Variants in SLC24A2 observed in about 807,000 individuals in gnomAD.
SLC24A2 encodes sodium/potassium/calcium exchanger 2.
SLC24A2 carries 36 observed loss-of-function variants against 62.0 expected under a neutral mutation model. The ratio of observed to expected loss-of-function variants is 0.58; its 90% confidence interval spans 0.44 to 0.77. The LOEUF (loss-of-function observed/expected upper bound fraction) is 0.77. SLC24A2 is among the 30% of genes least tolerant of loss of function. The probability of loss-of-function intolerance (pLI) is 0.00; values close to 1 mark genes in which losing one functional copy is unlikely to be tolerated. For synonymous variants in SLC24A2, 358 were observed against 294.0 expected, an observed-to-expected ratio of 1.22 and a Z score of -2.23; for missense variants, 846 against 817.9, an observed-to-expected ratio of 1.03 and a Z score of -0.42.
chr9:19,861,195 G>A, the SLC24A2 span, among the ~76,000 whole-genome samples: 2 of 152,270 alleles, frequency 1.3e-5, no homozygotes, highest in South Asian at 2.1e-4. Context: ...GCTACAGGGG[G>A]TGCTTGTGTC....
chr9:19,524,248 G>C (rs1563930961), intron 9 of SLC24A2, among the ~76,000 whole-genome samples: 1 of 151,332 alleles, frequency 6.6e-6, no homozygotes, highest in African/African-American at 2.4e-5. Flanking sequence ...AGGAGGATCT[G>C]AAAGAATGCT....
chr9:20,257,566 A>G, the SLC24A2 span, among the ~76,000 whole-genome samples: 2 of 152,192 alleles, frequency 1.3e-5, no homozygotes, highest in Non-Finnish European at 2.9e-5. Context: ...GGAAAGAAGC[A>G]TGTTTATAAG....
chr9:19,886,175 C>T, the SLC24A2 span, among the ~76,000 whole-genome samples: 1 of 152,194 alleles, frequency 6.6e-6, no homozygotes, highest in East Asian at 1.9e-4. Flanking sequence ...AGTCGCCACA[C>T]TGCTTTTCAC....
At chr9:19,531,337 T>C (rs563070691) in intron 8 of SLC24A2, among the ~76,000 whole-genome samples, 80 of 152,302 alleles carry the variant, frequency 5.3e-4, no homozygotes, top group Non-Finnish European at 7.4e-4. Flanking sequence ...ACCAGTGTCA[T>C]TGGAAGGAAG....
intron 2 of SLC24A2, among the ~76,000 whole-genome samples, chr9:19,668,092 C>T (rs1286318022): frequency 6.6e-6 from 1 of 152,102 alleles, no homozygotes; most frequent in East Asian, 1.9e-4. Flanking sequence ...GTCATTGTTG[C>T]CTCCTCAGGC....
At chr9:19,892,571 C>T in the SLC24A2 span, among the ~76,000 whole-genome samples, 6 of 152,282 alleles carry the variant, frequency 3.9e-5, no homozygotes, top group Admixed American at 3.9e-4. Flanking sequence ...TCAAAACAGA[C>T]CCTTAACTTT....
the SLC24A2 span, among the ~76,000 whole-genome samples, chr9:20,278,084 C>T: frequency 3.0e-4 from 45 of 149,426 alleles, 1 homozygote; most frequent in South Asian, 3.7e-3. Context: ...CAGGGTCTGT[C>T]GTGGGGTTGG....
intron 2 of SLC24A2, among the ~76,000 whole-genome samples, chr9:19,772,750 G>C (rs1251702111): frequency 6.6e-6 from 1 of 152,162 alleles, no homozygotes; most frequent in Non-Finnish European, 1.5e-5. Flanking sequence ...ACACAGGAAA[G>C]CAAAATGGTC....
At chr9:20,033,952 G>A in the SLC24A2 span, among the ~76,000 whole-genome samples, 114 of 152,258 alleles carry the variant, frequency 7.5e-4, no homozygotes, top group African/African-American at 2.4e-3. Flanking sequence ...ATTCTTTCCT[G>A]CAAGAAGCCA....
chr9:20,214,214 G>A, the SLC24A2 span, among the ~76,000 whole-genome samples: 5 of 152,136 alleles, frequency 3.3e-5, no homozygotes. Context: ...ATAGGAAGGT[G>A]GGGAGCTACT....
At chr9:20,067,403 CTA>C in the SLC24A2 span, among the ~76,000 whole-genome samples, 1 of 152,072 alleles carries the variant, frequency 6.6e-6, no homozygotes, top group Non-Finnish European at 1.5e-5. Flanking sequence ...TATTTTAATT[CTA>C]TGTCTGATTT....
intron 2 of SLC24A2, among the ~76,000 whole-genome samples, chr9:19,704,111 T>C (rs1010962046): frequency 4.0e-5 from 6 of 151,368 alleles, no homozygotes; most frequent in Admixed American, 6.6e-5. Flanking sequence ...TAAAACGTGA[T>C]CTGTGGACCA....
the SLC24A2 span, among the ~76,000 whole-genome samples, chr9:19,909,250 C>T: frequency 6.6e-6 from 1 of 151,746 alleles, no homozygotes; most frequent in Non-Finnish European, 1.5e-5. Context: ...CCAAACGCCG[C>T]ATGTTCTCAC....
the SLC24A2 span, among the ~76,000 whole-genome samples, chr9:20,051,465 T>C: frequency 6.6e-6 from 1 of 151,950 alleles, no homozygotes; most frequent in Admixed American, 6.6e-5. Flanking sequence ...ATAGATAAGA[T>C]GTCAACAACA....
intron 5 of SLC24A2, among the ~76,000 whole-genome samples, chr9:19,577,807 G>C (rs891211768): frequency 6.7e-6 from 1 of 149,112 alleles, no homozygotes; most frequent in Non-Finnish European, 1.5e-5. Flanking sequence ...TCAACGAGTG[G>C]ATAAAGAAAC....
intron 7 of SLC24A2, 55 bp from the exon 8 acceptor site, chr9:19,550,323 G>T (rs1277499638): frequency 1.8e-5 from 29 of 1,572,578 alleles, no homozygotes; most frequent in Non-Finnish European, 2.3e-5. Flanking sequence ...ATGTACACAG[G>T]CACAACAACA....
the SLC24A2 span, among the ~76,000 whole-genome samples, chr9:20,158,295 G>T: frequency 6.6e-6 from 1 of 151,620 alleles, no homozygotes. Flanking sequence ...GAATGTTTGT[G>T]TCCCTCCAAT....
the SLC24A2 span, among the ~76,000 whole-genome samples, chr9:19,854,029 G>C: frequency 6.6e-6 from 1 of 152,110 alleles, no homozygotes. Context: ...TTTCAGTCTT[G>C]GGAGGGTGTA....
At chr9:19,609,793 G>A (rs1407924280) in intron 4 of SLC24A2, among the ~76,000 whole-genome samples, 3 of 152,182 alleles carry the variant, frequency 2.0e-5, no homozygotes, top group Non-Finnish European at 4.4e-5. Flanking sequence ...TGTGGGGTGA[G>A]TGGTGGGGAT....
Sources: gnomAD v4.1 joint callset for allele counts (sites outside exome capture counted in the v4.1 genomes callset) on GRCh38, gnomAD v4.1.1 for gene constraint, MANE v1.5 for transcripts, NCBI Gene and HGNC (gene_info 2026-07-23, HGNC 2026-07-21) for gene names.